The following C10orf67 variants were observed in gnomAD, a reference collection of about 807,000 sequenced individuals.
The protein encoded by C10orf67 is chromosome 10 open reading frame 67.
Under a neutral mutation model 35.6 loss-of-function variants are expected in C10orf67, and 60 were observed. The observed-to-expected ratio is 1.68, with a 90% CI of 1.37 to 2.09. The LOEUF (loss-of-function observed/expected upper bound fraction) is 2.09. Ranked by LOEUF, C10orf67 falls within the 30% of genes most tolerant of loss-of-function variation. The probability of loss-of-function intolerance (pLI) is 0.00; values close to 1 mark genes in which losing one functional copy is unlikely to be tolerated. For missense variants in C10orf67, 474 were observed against 330.2 expected (o/e 1.44, Z -3.38); for synonymous variants, 167 against 115.8 (o/e 1.44, Z -2.84).
At chr10:23,342,117 T>C (rs887609560) in intron 1 of C10orf67, among the ~76,000 whole-genome samples, 3 of 151,992 alleles carry the variant, frequency 2.0e-5, no homozygotes, top group Admixed American at 6.6e-5. Context: ...TGAGCCATGA[T>C]TGTGCCACTA....
chr10:23,224,354 C>A (rs1841673481), intron 13 of C10orf67, among the ~76,000 whole-genome samples: 1 of 152,142 alleles, frequency 6.6e-6, no homozygotes, highest in South Asian at 2.1e-4. Flanking sequence ...ACAGAAAGGA[C>A]ATCCACACCA....
intron 13 of C10orf67, among the ~76,000 whole-genome samples, chr10:23,227,296 T>G (rs1193328700): frequency 6.6e-6 from 1 of 152,158 alleles, no homozygotes; most frequent in African/African-American, 2.4e-5. Flanking sequence ...TGCAAATCAA[T>G]AAATGTAATC....
intron 4 of C10orf67, among the ~76,000 whole-genome samples, chr10:23,320,381 T>C (rs183654215): frequency 2.6e-5 from 4 of 152,286 alleles, no homozygotes; most frequent in East Asian, 1.9e-4. Flanking sequence ...ATTAGAAAAG[T>C]TAATCCACCA....
chr10:23,305,564 A>G (rs1446607606), intron 4 of C10orf67, among the ~76,000 whole-genome samples: 2 of 152,248 alleles, frequency 1.3e-5, no homozygotes, highest in Non-Finnish European at 2.9e-5. Flanking sequence ...CAACAGTTAC[A>G]TGAAACATCG....
intron 2 of C10orf67, among the ~76,000 whole-genome samples, chr10:23,329,797 CAAAA>C (rs398013008): frequency 6.2e-5 from 3 of 48,092 alleles, no homozygotes; most frequent in African/African-American, 1.0e-4. Flanking sequence ...GAACTTGTCT[CAAAA>C]AAAAAAAAAA....
intron 2 of C10orf67, among the ~76,000 whole-genome samples, chr10:23,326,313 G>C (rs1279499523): frequency 1.3e-5 from 2 of 152,034 alleles, no homozygotes; most frequent in Non-Finnish European, 2.9e-5. Flanking sequence ...ACATACAGGG[G>C]AATAACATTT....
intron 13 of C10orf67, among the ~76,000 whole-genome samples, chr10:23,231,058 C>T (rs1219742624): frequency 6.6e-6 from 1 of 152,148 alleles, no homozygotes; most frequent in African/African-American, 2.4e-5. Flanking sequence ...CTTGACCTCC[C>T]AGGCTCAAGC....
intron 10 of C10orf67, among the ~76,000 whole-genome samples, chr10:23,259,797 T>C (rs1842699091): frequency 6.6e-6 from 1 of 152,016 alleles, no homozygotes; most frequent in Non-Finnish European, 1.5e-5. Flanking sequence ...GGCTCATCAA[T>C]AGACTCAATA....
intron 8 of C10orf67, among the ~76,000 whole-genome samples, chr10:23,268,238 T>G (rs1201315716): frequency 6.6e-6 from 1 of 152,174 alleles, no homozygotes; most frequent in African/African-American, 2.4e-5. Flanking sequence ...GAGGTTACAG[T>G]GAGCTGTGAT....
chr10:23,208,828 A>T (rs1326934091), intron 15 of C10orf67, among the ~76,000 whole-genome samples: 2 of 152,136 alleles, frequency 1.3e-5, no homozygotes, highest in Non-Finnish European at 2.9e-5. Flanking sequence ...GACTTGAACA[A>T]TCCTTGTGCA....
At chr10:23,276,549 C>A (rs145789061) in intron 8 of C10orf67, among the ~76,000 whole-genome samples, 1 of 151,976 alleles carries the variant, frequency 6.6e-6, no homozygotes, top group African/African-American at 2.4e-5. Context: ...TCACCTTACC[C>A]GAGCTCTCCT....
At chr10:23,210,345 G>A (rs1841273859) in intron 15 of C10orf67, among the ~76,000 whole-genome samples, 2 of 152,154 alleles carry the variant, frequency 1.3e-5, no homozygotes, top group Non-Finnish European at 2.9e-5. Flanking sequence ...TGTTCTCCAG[G>A]ACAAATAGGG....
chr10:23,316,403 G>A (rs1844712391), intron 4 of C10orf67, among the ~76,000 whole-genome samples: 1 of 152,234 alleles, frequency 6.6e-6, no homozygotes, highest in African/African-American at 2.4e-5. Context: ...GGCTCAGGGA[G>A]CTCCTAGGTC....
chr10:23,343,872 C>A (rs933686773), intron 1 of C10orf67: 2 of 461,016 alleles, frequency 4.3e-6, no homozygotes, highest in East Asian at 1.5e-4. Flanking sequence ...GGCTCCGGGG[C>A]GGGCCGGCGG....
At chr10:23,282,637 C>A (rs1335941793) in intron 7 of C10orf67, among the ~76,000 whole-genome samples, 1 of 151,990 alleles carries the variant, frequency 6.6e-6, no homozygotes, top group African/African-American at 2.4e-5. Flanking sequence ...TCAAGACCAG[C>A]CTGACCCACA....
intron 15 of C10orf67, among the ~76,000 whole-genome samples, chr10:23,214,731 T>G (rs1252069165): frequency 6.6e-6 from 1 of 151,988 alleles, no homozygotes; most frequent in African/African-American, 2.4e-5. Context: ...TAAAACAACA[T>G]CAGGGAGAGG....
intron 10 of C10orf67, among the ~76,000 whole-genome samples, chr10:23,259,970 A>G (rs1842704541): frequency 6.6e-6 from 1 of 152,206 alleles, no homozygotes. Context: ...GAAGGTAAAG[A>G]CATAATTGTA....
At position 23,223,805 on chromosome 10, in the gene C10orf67, A is replaced by G. The variant is rs532020757; in HGVS notation, c.1448T>C (p.Leu483Ser). 88 of 715,234 alleles carry G rather than the reference A, an allele frequency of 1.2e-4. 3 individuals carry two copies. In the South Asian group the frequency reaches 1.3e-3, roughly 10 times the overall value. The allele number at this position is 715,234 out of a possible 1,614,324, so 44.3% of individuals were successfully genotyped here. A position where few individuals can be genotyped will look rare whatever the true frequency, so the allele number is the denominator to read the frequency against. The change falls in exon 14 of 16, where the codon TTA (leucine) becomes TCA (serine). Residue 483 changes from leucine to serine, a missense_variant. By Grantham distance (145) the Leu-to-Ser change is moderately radical. Coordinates refer to ENST00000636213, the MANE Select transcript of C10orf67 (RefSeq NM_001371909.1). ...CATGGTCGTTCTAGACTGCACTAATAAGGGTTTTACTTTCTGAAAGACACA... is the reference window on the plus strand; with the variant it reads ...CATGGTCGTTCTAGACTGCACTAATGAGGGTTTTACTTTCTGAAAGACACA... Reference protein sequence around the residue: ...TSFNYIKVKPLLVQSRTTMTA... With the variant: ...TSFNYIKVKPSLVQSRTTMTA...
At chr10:23,327,972 T>G (rs1311844178) in intron 2 of C10orf67, among the ~76,000 whole-genome samples, 1 of 152,024 alleles carries the variant, frequency 6.6e-6, no homozygotes, top group East Asian at 1.9e-4. Context: ...AAGTTAAAAA[T>G]CAGCAATATA....
Sources: gnomAD v4.1 joint callset for allele counts (sites outside exome capture counted in the v4.1 genomes callset) on GRCh38, gnomAD v4.1.1 for gene constraint, MANE v1.5 for transcripts, NCBI Gene and HGNC (gene_info 2026-07-23, HGNC 2026-07-21) for gene names.